Variants in AGBL4 observed in about 807,000 individuals in gnomAD.
AGBL4 encodes cytosolic carboxypeptidase 6.
In AGBL4, 58 loss-of-function variants were observed where a neutral mutation model predicts 66.4. The observed-to-expected ratio is 0.87, with a 90% CI of 0.71 to 1.09. The LOEUF is 1.09. Ranked by LOEUF, AGBL4 falls within the 50% of genes least tolerant of loss-of-function variation. The probability of loss-of-function intolerance (pLI) is 0.00; values close to 1 mark genes in which losing one functional copy is unlikely to be tolerated. For synonymous variants in AGBL4, 234 were observed against 222.9 expected (o/e 1.05, Z -0.44); for missense variants, 579 against 631.0 (o/e 0.92, Z 0.88).
At chr1:49,198,025 G>A (rs182553329) in intron 4 of AGBL4, among the ~76,000 whole-genome samples, 1 of 152,236 alleles carries the variant, frequency 6.6e-6, no homozygotes, top group Non-Finnish European at 1.5e-5. Flanking sequence ...AACATTTGGT[G>A]TGCTTTCTGG....
At chr1:49,956,675 T>C (rs944489923) in intron 1 of AGBL4, among the ~76,000 whole-genome samples, 4 of 151,942 alleles carry the variant, frequency 2.6e-5, no homozygotes, top group African/African-American at 4.8e-5. Flanking sequence ...TGAGATAAGA[T>C]GTCAAAAAGA....
chr1:49,559,254 A>T (rs1004002528), intron 3 of AGBL4, among the ~76,000 whole-genome samples: 1 of 152,154 alleles, frequency 6.6e-6, no homozygotes, highest in Admixed American at 6.5e-5. Context: ...TGAGGAATGT[A>T]AGGGAAAATA....
chr1:49,460,274 GTTAGGTGCATATGTAT>G (rs1327845142), intron 3 of AGBL4, among the ~76,000 whole-genome samples: 1 of 151,680 alleles, frequency 6.6e-6, no homozygotes, highest in African/African-American at 2.4e-5. Context: ...GAGCTCTAGT[GTTAGGTGCATATGTAT>G]TTAGGATTGT....
intron 3 of AGBL4, among the ~76,000 whole-genome samples, chr1:49,665,575 T>C (rs1646348758): frequency 6.6e-6 from 1 of 152,124 alleles, no homozygotes; most frequent in South Asian, 2.1e-4. Context: ...AACACAAATA[T>C]TATAATTGCC....
chr1:49,585,661 A>G (rs1334830682), intron 3 of AGBL4, among the ~76,000 whole-genome samples: 4 of 152,182 alleles, frequency 2.6e-5, no homozygotes, highest in Admixed American at 6.5e-5. Context: ...CAGCTAAGTC[A>G]TGTCTGAACT....
At chr1:48,884,794 C>T (rs971175794) in intron 5 of AGBL4, among the ~76,000 whole-genome samples, 6 of 151,922 alleles carry the variant, frequency 3.9e-5, no homozygotes, top group African/African-American at 1.5e-4. Flanking sequence ...AGCAAGAATT[C>T]AGCAGCTGGC....
intron 4 of AGBL4, among the ~76,000 whole-genome samples, chr1:49,232,534 T>C (rs1003988317): frequency 6.6e-6 from 1 of 151,876 alleles, no homozygotes; most frequent in Admixed American, 6.6e-5. Context: ...CTGTCTCTAC[T>C]AAAAATACAA....
chr1:49,700,631 T>G (rs1350425213), intron 2 of AGBL4, among the ~76,000 whole-genome samples: 1 of 152,114 alleles, frequency 6.6e-6, no homozygotes, highest in Non-Finnish European at 1.5e-5. Flanking sequence ...AAGTCCCAAC[T>G]AATTTCAAAG....
At chr1:49,386,884 T>A (rs961250850) in intron 3 of AGBL4, among the ~76,000 whole-genome samples, 3 of 151,966 alleles carry the variant, frequency 2.0e-5, no homozygotes, top group African/African-American at 7.2e-5. Context: ...ATTAACCTTT[T>A]TAAATCTCAG....
chr1:49,176,812 C>T (rs1003794055), intron 4 of AGBL4, among the ~76,000 whole-genome samples: 2 of 152,156 alleles, frequency 1.3e-5, no homozygotes, highest in Non-Finnish European at 2.9e-5. Context: ...CTGTCTCTCT[C>T]TCTCTTCCTT....
At chr1:49,778,682 T>C (rs1644261366) in intron 2 of AGBL4, among the ~76,000 whole-genome samples, 1 of 152,162 alleles carries the variant, frequency 6.6e-6, no homozygotes. Context: ...GCCTCTGCAA[T>C]GGGGAGTTGG....
intron 1 of AGBL4, among the ~76,000 whole-genome samples, chr1:49,855,689 A>C (rs931677542): frequency 3.3e-5 from 5 of 152,210 alleles, no homozygotes; most frequent in Non-Finnish European, 7.4e-5. Flanking sequence ...AGAAAAATTT[A>C]AAAATTTATT....
chr1:48,702,194 C>T (rs992848255), intron 6 of AGBL4, among the ~76,000 whole-genome samples: 16 of 152,172 alleles, frequency 1.1e-4, no homozygotes, highest in Admixed American at 9.8e-4. Flanking sequence ...GACGACCCGC[C>T]TTCTGCTTTC....
intron 4 of AGBL4, among the ~76,000 whole-genome samples, chr1:49,174,032 G>T (rs1429467776): frequency 6.6e-6 from 1 of 152,132 alleles, no homozygotes; most frequent in Non-Finnish European, 1.5e-5. Flanking sequence ...GGGATAAAAG[G>T]CCTTGGAGTT....
chr1:49,477,781 C>A (rs1363017481), intron 3 of AGBL4, among the ~76,000 whole-genome samples: 1 of 151,762 alleles, frequency 6.6e-6, no homozygotes, highest in Non-Finnish European at 1.5e-5. Flanking sequence ...AATTCAAAAT[C>A]ACTGTTTTGA....
chr1:48,928,855 T>C (rs1190266178), intron 5 of AGBL4, among the ~76,000 whole-genome samples: 1 of 152,238 alleles, frequency 6.6e-6, no homozygotes, highest in Non-Finnish European at 1.5e-5. Context: ...GCTGAACTAA[T>C]AATTTACTTT....
chr1:49,924,496 G>GATTT (rs79857167), intron 1 of AGBL4, among the ~76,000 whole-genome samples: 376 of 151,828 alleles, frequency 2.5e-3, no homozygotes, highest in South Asian at 6.7e-3. Flanking sequence ...GTTTTATTTG[G>GATTT]ATTTATTTAT....
At chr1:49,821,659 T>C (rs1007728554) in intron 2 of AGBL4, among the ~76,000 whole-genome samples, 2 of 152,198 alleles carry the variant, frequency 1.3e-5, no homozygotes, top group Non-Finnish European at 2.9e-5. Context: ...AGACATTTGG[T>C]ATGTTTTAAC....
intron 2 of AGBL4, among the ~76,000 whole-genome samples, chr1:49,823,297 T>C (rs1475765338): frequency 6.6e-6 from 1 of 152,190 alleles, no homozygotes; most frequent in African/African-American, 2.4e-5. Flanking sequence ...TATAAGGCAG[T>C]GTGAAAATTG....
Sources: allele counts gnomAD v4.1 joint callset (sites outside exome capture counted in the v4.1 genomes callset), GRCh38; gene constraint gnomAD v4.1.1; transcripts MANE v1.5; gene names NCBI Gene and HGNC (gene_info 2026-07-23, HGNC 2026-07-21).